SCARA3: variants seen among roughly 807,000 people sequenced by gnomAD.
SCARA3 encodes the protein scavenger receptor class A member 3.
In SCARA3, 39 loss-of-function variants were observed where a neutral mutation model predicts 47.0. That is an observed-to-expected ratio of 0.83 (90% CI 0.64 to 1.08). The LOEUF (loss-of-function observed/expected upper bound fraction) is 1.08, where lower values mean the gene tolerates loss of function less well. SCARA3 is among the 50% of genes least tolerant of loss of function. The pLI, the probability that SCARA3 is intolerant of heterozygous loss-of-function variation, is 0.00. For synonymous variants in SCARA3, 356 were observed against 334.1 expected, an observed-to-expected ratio of 1.07 and a Z score of -0.71; for missense variants, 724 against 792.3, an observed-to-expected ratio of 0.91 and a Z score of 1.04.
chr8:27,668,294 A>G (rs966456545), intron 5 of SCARA3, among the ~76,000 whole-genome samples: 3 of 151,430 alleles, frequency 2.0e-5, no homozygotes, highest in Non-Finnish European at 4.4e-5. Context: ...TAATCCCAGC[A>G]CTTTGGGAGG....
At chr8:27,682,015 T>A in the SCARA3 span, among the ~76,000 whole-genome samples, 3 of 151,948 alleles carry the variant, frequency 2.0e-5, no homozygotes, top group Non-Finnish European at 2.9e-5. Flanking sequence ...AAGAACCAAT[T>A]TGGAGGACTT....
chr8:27,708,281 C>T, the SCARA3 span, among the ~76,000 whole-genome samples: 1 of 151,994 alleles, frequency 6.6e-6, no homozygotes, highest in African/African-American at 2.4e-5. Flanking sequence ...GAACATTATG[C>T]AGGTGAAAAT....
In SCARA3 at chr8:27,651,604, C is replaced by T; in HGVS notation, c.203C>T (p.Ala68Val). 6.2e-7 allele frequency: 1 copy of T among 1,614,096 alleles called. No individual in the cohort carries two copies. Among genetic ancestry groups the T allele is most frequent in the Non-Finnish European group, 8.5e-7 (1 of 1,180,018 alleles). Reference sequence around the variant, plus strand: ...CTCTTCCTGGCCCTGCTCCTGGTGGCCGTGGCTGTGTTGGCCTCTCTGGGT... The same window carrying T: ...CTCTTCCTGGCCCTGCTCCTGGTGGTCGTGGCTGTGTTGGCCTCTCTGGGT... ...LYLFLALLLV[A>V]VAVLASLVFR... The change falls in exon 3 of 6, where the codon GCC becomes GTC. Residue 68 changes from alanine (A) to valine (V), a missense_variant. Coordinates refer to ENST00000301904, the MANE Select transcript of SCARA3 (RefSeq NM_016240.3).
At chr8:27,694,414 G>A in the SCARA3 span, among the ~76,000 whole-genome samples, 1 of 134,928 alleles carries the variant, frequency 7.4e-6, no homozygotes, top group East Asian at 2.2e-4. Context: ...ATGTGCTCAT[G>A]TATATACAAA....
chr8:27,700,108 G>T, the SCARA3 span, among the ~76,000 whole-genome samples: 1 of 151,928 alleles, frequency 6.6e-6, no homozygotes, highest in Non-Finnish European at 1.5e-5. Context: ...GTGACTTTAA[G>T]AAATATGGTC....
At chr8:27,691,506 G>A in the SCARA3 span, among the ~76,000 whole-genome samples, 1 of 151,910 alleles carries the variant, frequency 6.6e-6, no homozygotes, top group Non-Finnish European at 1.5e-5. Context: ...GTTCACGTTG[G>A]CAGCCCCTGT....
At chr8:27,637,411 C>A (rs1801276963) in intron 1 of SCARA3, among the ~76,000 whole-genome samples, 1 of 152,196 alleles carries the variant, frequency 6.6e-6, no homozygotes, top group Non-Finnish European at 1.5e-5. Context: ...TAAGAGTGAC[C>A]CACCCCCAAG....
downstream of SCARA3, among the ~76,000 whole-genome samples, chr8:27,673,412 G>C (rs564453938): frequency 2.3e-3 from 347 of 152,386 alleles, 1 homozygote; most frequent in African/African-American, 8.1e-3. Flanking sequence ...GCCCCAAGGG[G>C]CCTGGCTTGG....
intron 2 of SCARA3, among the ~76,000 whole-genome samples, chr8:27,650,709 T>C (rs478045): frequency 0.19 from 29,446 of 152,070 alleles, 3,326 homozygotes; most frequent in Middle Eastern, 0.33. Context: ...CACCTGTCTG[T>C]GTATTCAGGA....
At chr8:27,698,136 A>G in the SCARA3 span, among the ~76,000 whole-genome samples, 1 of 152,272 alleles carries the variant, frequency 6.6e-6, no homozygotes, top group Non-Finnish European at 1.5e-5. Context: ...CACAGAATTC[A>G]TAGCCAGTAT....
At chr8:27,653,987 G>A (rs1015916943) in intron 3 of SCARA3, among the ~76,000 whole-genome samples, 4 of 152,158 alleles carry the variant, frequency 2.6e-5, no homozygotes, top group African/African-American at 9.7e-5. Flanking sequence ...GGCAACTCCT[G>A]TAAATCAGGC....
At chr8:27,728,490 CTG>C in the SCARA3 span, among the ~76,000 whole-genome samples, 1 of 152,238 alleles carries the variant, frequency 6.6e-6, no homozygotes, top group Non-Finnish European at 1.5e-5. Context: ...CCCTCTGCCC[CTG>C]TCCTAGAGGA....
chr8:27,657,394 T>TG (rs1338071148), intron 4 of SCARA3, among the ~76,000 whole-genome samples: 1 of 149,708 alleles, frequency 6.7e-6, no homozygotes, highest in Admixed American at 6.7e-5. Flanking sequence ...CACTGAGGTT[T>TG]GGGGGGGTAG....
At chr8:27,708,766 T>C in the SCARA3 span, among the ~76,000 whole-genome samples, 3 of 151,994 alleles carry the variant, frequency 2.0e-5, no homozygotes, top group African/African-American at 7.2e-5. Context: ...GATGCTGAGG[T>C]TTGGGGGATA....
Position 27,671,743 on chromosome 8 carries a change from T to C in SCARA3, c.*392T>C, listed in dbSNP as rs948514376. 8.9e-6 allele frequency: 9 copies of C among 1,015,156 alleles called. No homozygotes were observed. Among genetic ancestry groups the C allele is most frequent in the Non-Finnish European group, 9.4e-6 (8 of 850,034 alleles). The allele number at this position is 1,015,156 out of a possible 1,614,324, so 62.9% of individuals were successfully genotyped here. On this transcript the variant is annotated 3_prime_UTR_variant, in exon 6 of 6. Transcript: ENST00000301904. ...ACACATGCACACACACATGCACACATATATGCACAGGCACACACATGTACG... is the reference window on the plus strand; with the variant it reads ...ACACATGCACACACACATGCACACACATATGCACAGGCACACACATGTACG...
chr8:27,715,824 T>TA, the SCARA3 span, among the ~76,000 whole-genome samples: 440 of 118,948 alleles, frequency 3.7e-3, 3 homozygotes, highest in East Asian at 0.063. The surrounding 1 kb of genome is among the most constrained non-coding windows in gnomAD (Gnocchi z 4.2). Context: ...GATAGATAGA[T>TA]GATAGATAGA....
chr8:27,659,451 C>T lies in SCARA3; in HGVS notation c.1281C>T (p.Asn427=), dbSNP rs373786095. The T allele has an allele frequency of 2.0e-5, 33 of 1,613,858 alleles. No individual in the cohort carries two copies. The highest frequency in any genetic ancestry group is 1.6e-4 in the African/African-American group (12 of 74,918). The change falls in exon 5 of 6, where the codon AAC becomes AAT. Residue 427 remains asparagine (N), a synonymous_variant. Coordinates refer to ENST00000301904, the MANE Select transcript of SCARA3 (RefSeq NM_016240.3). ...TGCTCAGTGCCCGGCTGGACCTCAACGTCCGGAACCTCTCCATGATCGTGG... is the reference window on the plus strand; with the variant it reads ...TGCTCAGTGCCCGGCTGGACCTCAATGTCCGGAACCTCTCCATGATCGTGG... ...FSLLSARLDL[N]VRNLSMIVEE...
At chr8:27,642,873 C>A (rs62497968) in intron 1 of SCARA3, among the ~76,000 whole-genome samples, 15,441 of 152,094 alleles carry the variant, frequency 0.1, 1,236 homozygotes, top group East Asian at 0.35. Flanking sequence ...ATTCCCACCC[C>A]TCCCATCCCT....
intron 5 of SCARA3, among the ~76,000 whole-genome samples, chr8:27,662,483 A>G (rs1801932421): frequency 6.6e-6 from 1 of 152,238 alleles, no homozygotes; most frequent in Non-Finnish European, 1.5e-5. Context: ...AGTCAGGAGC[A>G]ATGCTGTGTG....
Sources: allele counts gnomAD v4.1 joint callset (sites outside exome capture counted in the v4.1 genomes callset), GRCh38; gene constraint gnomAD v4.1.1; non-coding constraint Gnocchi (gnomAD v3.1); transcripts MANE v1.5; gene names NCBI Gene and HGNC (gene_info 2026-07-23, HGNC 2026-07-21).